PTPRM: variants seen among roughly 807,000 people sequenced by gnomAD.
PTPRM encodes the protein protein tyrosine phosphatase receptor type M, also known as receptor-type tyrosine-protein phosphatase mu.
Under a neutral mutation model 186.7 loss-of-function variants are expected in PTPRM, and 47 were observed. That is an observed-to-expected ratio of 0.25 (90% confidence interval 0.20 to 0.32). The LOEUF is 0.32. Ranked by LOEUF, PTPRM falls within the 10% of genes least tolerant of loss-of-function variation. The pLI is 1.00. For synonymous variants in PTPRM, 668 were observed against 674.9 expected (o/e 0.99, Z 0.16); for missense variants, 1,494 against 1,865.0 (o/e 0.80, Z 3.66).
intron 14 of PTPRM, among the ~76,000 whole-genome samples, chr18:8,195,067 C>G (rs779964565): frequency 6.6e-6 from 1 of 151,498 alleles, no homozygotes; most frequent in Non-Finnish European, 1.5e-5. Flanking sequence ...CCTCTCAAAA[C>G]TACAGAATTG....
At chr18:7,763,865 A>G (rs2144789012) in intron 1 of PTPRM, among the ~76,000 whole-genome samples, 1 of 152,224 alleles carries the variant, frequency 6.6e-6, no homozygotes, top group Admixed American at 6.5e-5. Flanking sequence ...GTCCCAGATA[A>G]TGATTTTATG....
At chr18:8,379,474 A>G (rs770715263) in intron 28 of PTPRM, 134 bp downstream of exon 28, 90 of 983,044 alleles carry the variant, frequency 9.2e-5, no homozygotes, top group East Asian at 1.2e-4. Context: ...CCAACAAAAA[A>G]TAGATTTCAG....
At chr18:7,571,813 TA>T (rs1364111711) in intron 1 of PTPRM, among the ~76,000 whole-genome samples, 4 of 152,208 alleles carry the variant, frequency 2.6e-5, no homozygotes, top group African/African-American at 9.6e-5. Flanking sequence ...ATGTTAACAT[TA>T]GGGGGAAGCT....
intron 22 of PTPRM, among the ~76,000 whole-genome samples, chr18:8,340,706 G>C (rs1180385903): frequency 1.3e-5 from 2 of 152,116 alleles, no homozygotes; most frequent in East Asian, 3.9e-4. Flanking sequence ...CAAATCTTTG[G>C]TGTTTCACAG....
rs182801659 is a variant in PTPRM, at chr18:7,792,728, G to A, written c.196+18457G>A. On this transcript the variant is annotated intron_variant, in intron 2 of 32. Coordinates refer to ENST00000580170, the MANE Select transcript of PTPRM (RefSeq NM_001105244.2). Reference sequence around the variant, plus strand: ...GTCGCCAGCTGGAGTGCAGTGGTGCGATCACGGCTTACTGCAGCCTTCACC... The same window carrying A: ...GTCGCCAGCTGGAGTGCAGTGGTGCAATCACGGCTTACTGCAGCCTTCACC... Among the ~76,000 whole-genome samples the A allele has an allele frequency of 2.9e-3, 442 of 152,136 alleles. 1 individual carries two copies. The highest frequency in any genetic ancestry group is 4.8e-3 in the Non-Finnish European group (324 of 68,014).
intron 7 of PTPRM, among the ~76,000 whole-genome samples, chr18:8,004,465 T>A (rs1009683736): frequency 6.3e-5 from 9 of 141,750 alleles, no homozygotes; most frequent in Non-Finnish European, 1.1e-4. Context: ...TAGTGAACTT[T>A]AAAAAAAAAA....
At chr18:7,987,494 G>A (rs546698103) in intron 7 of PTPRM, among the ~76,000 whole-genome samples, 23 of 152,268 alleles carry the variant, frequency 1.5e-4, no homozygotes, top group Admixed American at 4.6e-4. Context: ...TTTCTTGGCA[G>A]GCTCCCTGTC....
At chr18:8,088,261 G>C (rs1452162729) in intron 10 of PTPRM, among the ~76,000 whole-genome samples, 2 of 147,266 alleles carry the variant, frequency 1.4e-5, no homozygotes, top group Non-Finnish European at 3.0e-5. Flanking sequence ...AAATCTCTCT[G>C]ACTCCCACTG....
chr18:7,946,920 T>C (rs914975680), intron 5 of PTPRM: 6 of 456,104 alleles, frequency 1.3e-5, no homozygotes, highest in African/African-American at 8.0e-5. Flanking sequence ...TGAGCATGCC[T>C]AGCCCAGCCC....
rs183657535 is a variant in PTPRM, at chr18:7,828,126, A to G, written c.196+53855A>G. On this transcript the variant is annotated intron_variant, in intron 2 of 32. Coordinates refer to ENST00000580170, the MANE Select transcript of PTPRM (RefSeq NM_001105244.2). ...TAATGTTTATATGTGGTCCTATCTC[A>G]TAATTAGTAAAGTCAAATGAGGCAG... is the stretch of plus-strand genomic sequence containing the variant. 2.3e-3 allele frequency among the ~76,000 whole-genome samples: 345 copies of G among 152,362 alleles called. 1 individual carries two copies. Among genetic ancestry groups the G allele is most frequent in the Non-Finnish European group, 3.7e-3 (255 of 68,030 alleles).
intron 7 of PTPRM, among the ~76,000 whole-genome samples, chr18:7,965,574 T>G (rs2053985467): frequency 6.6e-6 from 1 of 152,182 alleles, no homozygotes. Context: ...ATAGGGCTGC[T>G]TGTGAGCCAG....
chr18:7,866,846 A>T (rs1016096756), intron 2 of PTPRM, among the ~76,000 whole-genome samples: 2 of 152,112 alleles, frequency 1.3e-5, no homozygotes, highest in African/African-American at 4.8e-5. Flanking sequence ...GTCTCTGTGA[A>T]CTTGCTTTAT....
At chr18:8,313,775 C>T (rs626986) in intron 20 of PTPRM, among the ~76,000 whole-genome samples, 59,167 of 151,598 alleles carry the variant, frequency 0.39, 11,921 homozygotes, top group Non-Finnish European at 0.45. Flanking sequence ...TCAAAGTCCA[C>T]TGTATCATTC....
At chr18:8,239,659 T>C (rs2094393600) in intron 14 of PTPRM, among the ~76,000 whole-genome samples, 1 of 152,208 alleles carries the variant, frequency 6.6e-6, no homozygotes, top group Non-Finnish European at 1.5e-5. Flanking sequence ...ATTTACCTTT[T>C]GGTCTCTCCA....
At chr18:7,999,250 C>G (rs1481409374) in intron 7 of PTPRM, among the ~76,000 whole-genome samples, 2 of 152,046 alleles carry the variant, frequency 1.3e-5, no homozygotes, top group African/African-American at 4.8e-5. Context: ...TGGAGAAAAC[C>G]CTCACAGACA....
At chr18:8,140,019 T>G (rs2092727385) in intron 13 of PTPRM, among the ~76,000 whole-genome samples, 1 of 152,206 alleles carries the variant, frequency 6.6e-6, no homozygotes, top group Non-Finnish European at 1.5e-5. Context: ...CTGGATTTTT[T>G]TCCTCCACAT....
At chr18:7,619,060 A>C (rs1338631685) in intron 1 of PTPRM, among the ~76,000 whole-genome samples, 1 of 152,146 alleles carries the variant, frequency 6.6e-6, no homozygotes, top group East Asian at 1.9e-4. Flanking sequence ...TGCTAATGGA[A>C]CTGAGATGGC....
At chr18:8,159,972 G>A (rs940925039) in intron 14 of PTPRM, among the ~76,000 whole-genome samples, 7 of 151,918 alleles carry the variant, frequency 4.6e-5, no homozygotes, top group African/African-American at 1.7e-4. Context: ...GTATGAATTT[G>A]TTAAAGTTTG....
At chr18:8,002,569 G>A (rs145475932) in intron 7 of PTPRM, among the ~76,000 whole-genome samples, 33 of 152,290 alleles carry the variant, frequency 2.2e-4, no homozygotes, top group South Asian at 6.2e-4. Context: ...CCAGCTCTGC[G>A]TATTCTCCTG....
Sources: gnomAD v4.1 joint callset for allele counts (sites outside exome capture counted in the v4.1 genomes callset) on GRCh38, gnomAD v4.1.1 for gene constraint, MANE v1.5 for transcripts, NCBI Gene and HGNC (gene_info 2026-07-23, HGNC 2026-07-21) for gene names.